The following DOK6 variants were observed in gnomAD, a reference collection of about 807,000 sequenced individuals.
DOK6 encodes the protein downstream of tyrosine kinase 6.
Under a neutral mutation model 44.0 loss-of-function variants are expected in DOK6, and 22 were observed. That is an observed-to-expected ratio of 0.50 (90% CI 0.36 to 0.71). The LOEUF is 0.71. DOK6 is among the 30% of genes least tolerant of loss of function. The pLI is 0.00. For missense variants in DOK6, 340 were observed against 416.4 expected (o/e 0.82, Z 1.60); for synonymous variants, 166 against 145.5 (o/e 1.14, Z -1.01).
At chr18:69,818,414 A>T (rs4891777) in intron 7 of DOK6, among the ~76,000 whole-genome samples, 1 of 152,018 alleles carries the variant, frequency 6.6e-6, no homozygotes, top group African/African-American at 2.4e-5. Context: ...GAAGAACTGG[A>T]GTATGTGATT....
intron 3 of DOK6, among the ~76,000 whole-genome samples, chr18:69,651,552 G>A (rs1985228085): frequency 6.9e-6 from 1 of 145,320 alleles, no homozygotes; most frequent in African/African-American, 2.6e-5. Context: ...GCAGCAGCGC[G>A]ATCTTGGCTT....
intron 1 of DOK6, among the ~76,000 whole-genome samples, chr18:69,403,091 A>G (rs1038247839): frequency 6.6e-6 from 1 of 152,090 alleles, no homozygotes; most frequent in Admixed American, 6.5e-5. Context: ...TTGAAATCGC[A>G]ATTGTATCTG....
At chr18:69,819,647 A>C (rs1568135469) in intron 7 of DOK6, among the ~76,000 whole-genome samples, 1 of 152,176 alleles carries the variant, frequency 6.6e-6, no homozygotes. Context: ...GAAACTTTAG[A>C]CCTGTTGAAC....
intron 3 of DOK6, among the ~76,000 whole-genome samples, chr18:69,636,335 ATAT>A (rs1984808163): frequency 6.6e-6 from 1 of 152,172 alleles, no homozygotes; most frequent in African/African-American, 2.4e-5. Context: ...ATGACACAAG[ATAT>A]TATGAGGACA....
chr18:69,542,060 G>A lies in DOK6; in HGVS notation c.67-22427G>A, dbSNP rs143153835. Among the ~76,000 whole-genome samples the A allele has an allele frequency of 3.3e-3, 502 of 151,648 alleles. 12 individuals carry two copies. Among genetic ancestry groups the A allele is most frequent in the Non-Finnish European group, 5.9e-3 (399 of 67,734 alleles). ...AGGCAGAATGGAGATGGTGTGGATG[G>A]CCTTGTGTGTGGGATTTAGGCAGTT... On this transcript the variant is annotated intron_variant, in intron 1 of 7. Coordinates refer to ENST00000382713, the MANE Select transcript of DOK6 (RefSeq NM_152721.6).
In DOK6 at chr18:69,836,744, T is replaced by C. The variant is rs564234258; in HGVS notation, c.857-4500T>C. Among the ~76,000 whole-genome samples, 9 of 152,336 alleles carry C rather than the reference T, an allele frequency of 5.9e-5. No individual in the cohort carries two copies. In the South Asian group the frequency reaches 1.2e-3, roughly 21 times the overall value. On this transcript the variant is annotated intron_variant, in intron 7 of 7. Transcript: ENST00000382713. Reference sequence around the variant, plus strand: ...GAAGCATTTAACTAGAGTCCTTGTATAGTGTGATGAGCAAGGCTGTTGCAT... The same window carrying C: ...GAAGCATTTAACTAGAGTCCTTGTACAGTGTGATGAGCAAGGCTGTTGCAT...
chr18:69,827,703 A>T (rs945938893), intron 7 of DOK6, among the ~76,000 whole-genome samples: 1 of 152,016 alleles, frequency 6.6e-6, no homozygotes, highest in African/African-American at 2.4e-5. Context: ...AATTTTAAAT[A>T]ATTTCATGAT....
intron 3 of DOK6, among the ~76,000 whole-genome samples, chr18:69,653,213 C>A (rs1011923294): frequency 2.2e-4 from 33 of 151,634 alleles, no homozygotes; most frequent in Non-Finnish European, 1.9e-4. Context: ...TTTGCCAATT[C>A]GTAAGTAACA....
At chr18:69,612,957 C>A (rs1367684526) in intron 3 of DOK6, among the ~76,000 whole-genome samples, 1 of 151,656 alleles carries the variant, frequency 6.6e-6, no homozygotes, top group Non-Finnish European at 1.5e-5. Flanking sequence ...TCATGGCTCA[C>A]TGCAGCCTCC....
intron 1 of DOK6, among the ~76,000 whole-genome samples, chr18:69,540,374 T>G (rs1982236866): frequency 6.6e-6 from 1 of 152,174 alleles, no homozygotes; most frequent in South Asian, 2.1e-4. Context: ...CCCCCACCAT[T>G]GTATTTATTT....
intron 3 of DOK6, among the ~76,000 whole-genome samples, chr18:69,646,952 C>A (rs1985089591): frequency 6.6e-6 from 1 of 152,166 alleles, no homozygotes; most frequent in African/African-American, 2.4e-5. Flanking sequence ...TATAGTCTAT[C>A]TATTTATCTA....
chr18:69,515,066 C>G (rs1981483094), intron 1 of DOK6, among the ~76,000 whole-genome samples: 1 of 152,104 alleles, frequency 6.6e-6, no homozygotes, highest in Non-Finnish European at 1.5e-5. Flanking sequence ...ATGATGACAG[C>G]TTTCCGTTTG....
In DOK6 at chr18:69,774,021, C is replaced by T. The variant is rs183437513; in HGVS notation, c.856+16148C>T. Among the ~76,000 whole-genome samples, 673 of 147,306 alleles carry T rather than the reference C, an allele frequency of 4.6e-3. 5 individuals are homozygous for T. The highest frequency in any genetic ancestry group is 8.2e-3 in the Non-Finnish European group (545 of 66,764). ...ATGTGGAACTAACACAAATGCCCAT[C>T]AGTCAATGAGTGGATAAAGAATTTG... is the stretch of plus-strand genomic sequence containing the variant. On this transcript the variant is annotated intron_variant, in intron 7 of 7. Transcript: ENST00000382713.
intron 3 of DOK6, among the ~76,000 whole-genome samples, chr18:69,620,138 T>C (rs1311184138): frequency 6.6e-6 from 1 of 152,136 alleles, no homozygotes; most frequent in African/African-American, 2.4e-5. Context: ...CCTAAAATTA[T>C]ATTATAATGC....
At chr18:69,426,569 G>A (rs1164913326) in intron 1 of DOK6, among the ~76,000 whole-genome samples, 2 of 152,046 alleles carry the variant, frequency 1.3e-5, no homozygotes, top group African/African-American at 4.8e-5. Context: ...ACTAAACATT[G>A]TAGATCATGA....
intron 2 of DOK6, among the ~76,000 whole-genome samples, chr18:69,598,913 T>C (rs1397190748): frequency 6.6e-6 from 1 of 152,146 alleles, no homozygotes; most frequent in African/African-American, 2.4e-5. Context: ...AATGTACCTT[T>C]TGGAGCAATG....
At chr18:69,791,992 C>A (rs980905098) in intron 7 of DOK6, among the ~76,000 whole-genome samples, 2 of 151,998 alleles carry the variant, frequency 1.3e-5, no homozygotes, top group Non-Finnish European at 2.9e-5. Context: ...TTCCCAGCAC[C>A]ATTTATTGAA....
intron 1 of DOK6, 61 bp downstream of exon 1, chr18:69,401,371 G>T (rs570103532): frequency 4.0e-5 from 51 of 1,291,064 alleles, no homozygotes; most frequent in East Asian, 2.1e-4. Context: ...TGGCTGCCTG[G>T]GGGGGGGGCA....
intron 1 of DOK6, among the ~76,000 whole-genome samples, chr18:69,543,148 T>C (rs1982313622): frequency 6.6e-6 from 1 of 151,466 alleles, no homozygotes; most frequent in Non-Finnish European, 1.5e-5. Context: ...TGTAAACCCT[T>C]TTTCTTTCTT....
Sources: allele counts gnomAD v4.1 joint callset (sites outside exome capture counted in the v4.1 genomes callset), GRCh38; gene constraint gnomAD v4.1.1; transcripts MANE v1.5; gene names NCBI Gene and HGNC (gene_info 2026-07-23, HGNC 2026-07-21).